RNF138: variants seen among roughly 807,000 people sequenced by gnomAD.
RNF138 encodes the protein ring finger protein 138, also known as E3 ubiquitin-protein ligase RNF138.
A neutral mutation model predicts 31.0 loss-of-function variants in RNF138; 12 were observed. The observed-to-expected ratio is 0.39, with a 90% confidence interval of 0.25 to 0.63. The LOEUF (loss-of-function observed/expected upper bound fraction) is 0.63, where lower values mean the gene tolerates loss of function less well. Among genes scored for constraint, RNF138 ranks in the 20% least tolerant of loss-of-function variants. The pLI, the probability that RNF138 is intolerant of heterozygous loss-of-function variation, is 0.52. For synonymous variants in RNF138, 105 were observed against 99.5 expected, an observed-to-expected ratio of 1.06 and a Z score of -0.33; for missense variants, 192 against 300.1, an observed-to-expected ratio of 0.64 and a Z score of 2.66.
At chr18:32,107,495 AAT>A (rs2040053936) in intron 2 of RNF138, among the ~76,000 whole-genome samples, 1 of 143,984 alleles carries the variant, frequency 6.9e-6, no homozygotes, top group African/African-American at 2.5e-5. Context: ...GTTAGAAGAT[AAT>A]CTTAATTTAG....
At chr18:32,126,480 A>G (rs2040385233) in intron 6 of RNF138, among the ~76,000 whole-genome samples, 1 of 152,226 alleles carries the variant, frequency 6.6e-6, no homozygotes, top group South Asian at 2.1e-4. Flanking sequence ...GATTTAAGGA[A>G]TAGAATGTCT....
At chr18:32,108,389 T>C (rs1235339165) in intron 2 of RNF138, among the ~76,000 whole-genome samples, 3 of 152,214 alleles carry the variant, frequency 2.0e-5, no homozygotes, top group African/African-American at 7.2e-5. Flanking sequence ...GTTTAAGTGC[T>C]TTTTGTACAT....
chr18:32,107,666 G>A (rs1224348059), intron 2 of RNF138, among the ~76,000 whole-genome samples: 5 of 151,378 alleles, frequency 3.3e-5, no homozygotes, highest in Middle Eastern at 3.4e-3. Flanking sequence ...GATTACAGGC[G>A]TGTGCCACCA....
At chr18:32,102,896 G>C (rs1038179869) in intron 2 of RNF138, among the ~76,000 whole-genome samples, 7 of 151,550 alleles carry the variant, frequency 4.6e-5, no homozygotes, top group Non-Finnish European at 7.4e-5. Context: ...CTCACAAAGT[G>C]TAGGGATTAC....
At chr18:32,103,587 CA>C (rs2039978285) in intron 2 of RNF138, among the ~76,000 whole-genome samples, 1 of 151,904 alleles carries the variant, frequency 6.6e-6, no homozygotes, top group Non-Finnish European at 1.5e-5. Context: ...AATCAATAAA[CA>C]GCAATTTTCC....
At chr18:32,121,184 A>G (rs902582651) in intron 4 of RNF138, among the ~76,000 whole-genome samples, 1 of 151,490 alleles carries the variant, frequency 6.6e-6, no homozygotes, top group Non-Finnish European at 1.5e-5. Flanking sequence ...GATGTATGCC[A>G]TAGGATAAAA....
chr18:32,100,237 A>G (rs2039903378), intron 2 of RNF138, among the ~76,000 whole-genome samples: 1 of 150,950 alleles, frequency 6.6e-6, no homozygotes, highest in African/African-American at 2.4e-5. Context: ...CTTTGGTTGT[A>G]CAGGGGAAGG....
At chr18:32,116,515 CTTTTT>C in intron 4 of RNF138, among the ~76,000 whole-genome samples, 1 of 127,816 alleles carries the variant, frequency 7.8e-6, no homozygotes, top group South Asian at 2.5e-4. Context: ...GAAGGAAAAG[CTTTTT>C]TTTTTTTTTT....
chr18:32,126,636 T>G, intron 6 of RNF138, 57 bp from the exon 7 acceptor site: 3 of 1,053,360 alleles, frequency 2.8e-6, no homozygotes, highest in Non-Finnish European at 4.3e-6. Context: ...TACTGTCAAT[T>G]GTATAATATT....
At chr18:32,124,462 T>A in intron 5 of RNF138, 1 of 319,060 alleles carries the variant, frequency 3.1e-6, no homozygotes, top group Non-Finnish European at 5.9e-6. Context: ...ACATAATATA[T>A]GGAGTCAGCT....
At chr18:32,116,793 C>T (rs1415081290) in intron 4 of RNF138, among the ~76,000 whole-genome samples, 2 of 152,210 alleles carry the variant, frequency 1.3e-5, no homozygotes, top group African/African-American at 2.4e-5. Context: ...ATTTGTTGCC[C>T]ATGCTGGTCT....
At chr18:32,102,446 C>G (rs2039960457) in intron 2 of RNF138, among the ~76,000 whole-genome samples, 1 of 151,748 alleles carries the variant, frequency 6.6e-6, no homozygotes, top group African/African-American at 2.4e-5. Context: ...CGTGATCCGC[C>G]TGCCTCAGCC....
intron 4 of RNF138, among the ~76,000 whole-genome samples, chr18:32,121,140 A>G (rs1024685400): frequency 2.5e-5 from 3 of 122,010 alleles, no homozygotes; most frequent in Non-Finnish European, 5.3e-5. Context: ...TCTCAAAAAA[A>G]AACAAAACAA....
intron 2 of RNF138, among the ~76,000 whole-genome samples, chr18:32,101,456 C>T (rs2039938762): frequency 2.0e-5 from 3 of 152,056 alleles, no homozygotes; most frequent in Admixed American, 2.0e-4. Context: ...TGGTCTTGAA[C>T]TCCTGACCTC....
chr18:32,104,177 C>T (rs891951606), intron 2 of RNF138, among the ~76,000 whole-genome samples: 14 of 151,558 alleles, frequency 9.2e-5, no homozygotes, highest in Admixed American at 7.2e-4. Context: ...CCATGCCTGG[C>T]GAATTTTTGT....
intron 2 of RNF138, among the ~76,000 whole-genome samples, chr18:32,110,116 G>A (rs1349975414): frequency 6.6e-6 from 1 of 152,110 alleles, no homozygotes; most frequent in Admixed American, 6.5e-5. Flanking sequence ...CTCCTGAGTA[G>A]CTGGGACTGG....
chr18:32,121,322 T>TCCGTCTTTACTAA (rs1336118305), intron 4 of RNF138, among the ~76,000 whole-genome samples: 1 of 151,738 alleles, frequency 6.6e-6, no homozygotes, highest in Non-Finnish European at 1.5e-5. Context: ...ATGGAGAAAC[T>TCCGTCTTTACTAA]CCGTCTTTAC....
intron 2 of RNF138, among the ~76,000 whole-genome samples, chr18:32,108,986 T>G (rs62095573): frequency 0.039 from 5,969 of 152,218 alleles, 153 homozygotes; most frequent in Non-Finnish European, 0.061. Flanking sequence ...ATAGGTTTGA[T>G]GGGTATATAC....
At chr18:32,111,329 G>A (rs1225153914) in intron 2 of RNF138, among the ~76,000 whole-genome samples, 1 of 152,166 alleles carries the variant, frequency 6.6e-6, no homozygotes, top group Non-Finnish European at 1.5e-5. Flanking sequence ...TGAGACAAAA[G>A]CTTATGTTAC....
Sources: allele counts gnomAD v4.1 joint callset (sites outside exome capture counted in the v4.1 genomes callset), GRCh38; gene constraint gnomAD v4.1.1; transcripts MANE v1.5; gene names NCBI Gene and HGNC (gene_info 2026-07-23, HGNC 2026-07-21).